RPTOR: variants seen among roughly 807,000 people sequenced by gnomAD.
RPTOR encodes regulatory-associated protein of mTOR.
Under a neutral mutation model 169.9 loss-of-function variants are expected in RPTOR, and 21 were observed. The ratio of observed to expected loss-of-function variants is 0.12; its 90% CI spans 0.09 to 0.18. The LOEUF is 0.18. RPTOR is among the 10% of genes least tolerant of loss of function. The probability of loss-of-function intolerance (pLI) is 1.00; values close to 1 mark genes in which losing one functional copy is unlikely to be tolerated. For missense variants in RPTOR, 1,133 were observed against 1,855.9 expected (o/e 0.61, Z 7.16); for synonymous variants, 732 against 753.2 (o/e 0.97, Z 0.46).
In RPTOR at chr17:80,960,632, C is replaced by T; in HGVS notation, c.3605+427C>T. On this transcript the variant is annotated intron_variant, in intron 30 of 33. Transcript: ENST00000306801. This position sits in a 1 kb window ranked among gnomAD's most constrained non-coding sequence, Gnocchi z 4.8. ...GGATGTCTGAGGGCACACACGTGGG[C>T]ACAGCAGCCCTGGGCACTGCCTCCA... 4.3e-6 allele frequency: 1 copy of T among 229,912 alleles called. No homozygotes were observed. Among genetic ancestry groups the T allele is most frequent in the South Asian group, 6.7e-5 (1 of 14,976 alleles). The allele number at this position is 229,912 out of a possible 1,614,324, so 14.2% of individuals were successfully genotyped here.
At chr17:80,946,830 A>T (rs2069109762) in intron 26 of RPTOR, among the ~76,000 whole-genome samples, 1 of 152,182 alleles carries the variant, frequency 6.6e-6, no homozygotes, top group African/African-American at 2.4e-5. Context: ...TTTTGGGGAT[A>T]CGCCCAGAGT....
At chr17:80,767,260 A>G (rs2066797242) in intron 6 of RPTOR, among the ~76,000 whole-genome samples, 1 of 152,166 alleles carries the variant, frequency 6.6e-6, no homozygotes, top group Non-Finnish European at 1.5e-5. Context: ...AGTCCCAGCT[A>G]CTTGGGAGGC....
intron 7 of RPTOR, among the ~76,000 whole-genome samples, chr17:80,807,349 C>G (rs547269365): frequency 7.9e-5 from 12 of 151,532 alleles, no homozygotes; most frequent in Non-Finnish European, 1.5e-4. Context: ...CCCCACCACC[C>G]TTTTTTTTGG....
At chr17:80,768,108 C>T (rs532518536) in intron 6 of RPTOR, among the ~76,000 whole-genome samples, 2 of 152,124 alleles carry the variant, frequency 1.3e-5, no homozygotes, top group Non-Finnish European at 2.9e-5. Context: ...GTGATCCGCC[C>T]GCCTCGGCCT....
chr17:80,902,971 C>T (rs2068495186), intron 20 of RPTOR, among the ~76,000 whole-genome samples: 2 of 152,264 alleles, frequency 1.3e-5, no homozygotes, highest in Admixed American at 1.3e-4. Context: ...GAAACAGCCT[C>T]ATCCCGAGAG....
chr17:80,611,163 C>CT (rs1160644540), intron 1 of RPTOR, among the ~76,000 whole-genome samples: 1 of 152,194 alleles, frequency 6.6e-6, no homozygotes. Context: ...ACACTCACCA[C>CT]TTTGACACAA....
intron 2 of RPTOR, among the ~76,000 whole-genome samples, chr17:80,634,569 T>C (rs1193428557): frequency 8.5e-6 from 1 of 117,328 alleles, no homozygotes; most frequent in African/African-American, 3.4e-5. Flanking sequence ...TGTGTGTGCA[T>C]ACTGTGTGTG....
chr17:80,731,044 A>C (rs549127263), intron 5 of RPTOR, among the ~76,000 whole-genome samples: 155 of 152,098 alleles, frequency 1.0e-3, no homozygotes, highest in Non-Finnish European at 2.0e-3. Flanking sequence ...ATGCCTAGCT[A>C]ATTTTTGTAG....
At position 80,830,718 on chromosome 17, in the gene RPTOR, A is replaced by G. The variant is rs180784286; in HGVS notation, c.1137-7204A>G. On this transcript the variant is annotated intron_variant, in intron 9 of 33. Transcript: ENST00000306801. ...AGGTGCACTGCTCCTCAGGAATGGC[A>G]GAGGCTTCCCATGATGGGGAGCATC... Among the ~76,000 whole-genome samples, 28 of 150,834 alleles carry G rather than the reference A, an allele frequency of 1.9e-4. No individual in the cohort carries two copies. The East Asian group carries it at 4.7e-3, about 25-fold the overall frequency.
intron 13 of RPTOR, among the ~76,000 whole-genome samples, chr17:80,871,986 G>A (rs1318895752): frequency 2.6e-5 from 4 of 152,094 alleles, no homozygotes; most frequent in Admixed American, 6.6e-5. Flanking sequence ...TCCCAGGAAC[G>A]GCAAAAATGT....
chr17:80,658,754 T>C (rs984305400), intron 3 of RPTOR, among the ~76,000 whole-genome samples: 1 of 152,256 alleles, frequency 6.6e-6, no homozygotes, highest in African/African-American at 2.4e-5. Flanking sequence ...ACTGATCCTC[T>C]CCTTTGCTGT....
In RPTOR at chr17:80,965,899, AAGC is replaced by A. The variant is rs1336501708; in HGVS notation, c.*1573_*1575del. Reference sequence around the variant, plus strand: ...TCCCATCCCCACGTCTGGGCCGAGAAAGCAGCCCGGGTCCGGAAGGTGTAGAGA... The same window carrying A: ...TCCCATCCCCACGTCTGGGCCGAGAAAGCCCGGGTCCGGAAGGTGTAGAGA... On this transcript the variant is annotated 3_prime_UTR_variant, in exon 34 of 34. Coordinates refer to ENST00000306801, the MANE Select transcript of RPTOR (RefSeq NM_020761.3). The A allele has an allele frequency of 3.0e-5, 7 of 233,224 alleles. No individual in the cohort carries two copies. The highest frequency in any genetic ancestry group is 5.6e-5 in the Admixed American group (1 of 17,786). The allele number at this position is 233,224 out of a possible 1,614,324, so 14.4% of individuals were successfully genotyped here. A position where few individuals can be genotyped will look rare whatever the true frequency, so the allele number is the denominator to read the frequency against.
At chr17:80,667,156 G>T (rs1396320006) in intron 3 of RPTOR, among the ~76,000 whole-genome samples, 1 of 152,172 alleles carries the variant, frequency 6.6e-6, no homozygotes, top group African/African-American at 2.4e-5. Flanking sequence ...GGTGCATGTT[G>T]ATCTTTCCAG....
chr17:80,586,066 C>G (rs553395015), intron 1 of RPTOR, among the ~76,000 whole-genome samples: 2 of 152,080 alleles, frequency 1.3e-5, no homozygotes, highest in Admixed American at 1.3e-4. Flanking sequence ...GGGAGGCGCT[C>G]TGCAGCCAGG....
At chr17:80,748,231 T>C (rs1177599660) in intron 5 of RPTOR, among the ~76,000 whole-genome samples, 1 of 63,060 alleles carries the variant, frequency 1.6e-5, no homozygotes, top group East Asian at 4.9e-4. Context: ...GTTGGGTGGA[T>C]GGAGGGGCTG....
Position 80,891,857 on chromosome 17 carries a change from G to C in RPTOR, c.2101+20G>C. 2 of 1,549,532 alleles carry C rather than the reference G, an allele frequency of 1.3e-6. No homozygotes were observed. Among genetic ancestry groups the C allele is most frequent in the Non-Finnish European group, 1.8e-6 (2 of 1,123,082 alleles). On this transcript the variant is annotated intron_variant, in intron 18 of 33. Transcript: ENST00000306801. ...CCACAGGTATGGCGTCTTCTCCTGT[G>C]AACCCGCAGAGCACCTCGCCTGGCG... is the stretch of plus-strand genomic sequence containing the variant.
intron 10 of RPTOR, among the ~76,000 whole-genome samples, chr17:80,841,440 C>G (rs569801450): frequency 1.5e-5 from 2 of 134,692 alleles, no homozygotes; most frequent in Non-Finnish European, 3.2e-5. Flanking sequence ...TCACACTCAC[C>G]ACACGGCAGC....
chr17:80,785,716 C>G (rs2066984494), intron 6 of RPTOR, among the ~76,000 whole-genome samples: 1 of 152,070 alleles, frequency 6.6e-6, no homozygotes, highest in African/African-American at 2.4e-5. Context: ...TTGGGTATGA[C>G]AAGAATGACC....
rs140706381 is a variant in RPTOR, at chr17:80,755,809, G to C, written c.830+1624G>C. On this transcript the variant is annotated intron_variant, in intron 6 of 33. Coordinates refer to ENST00000306801, the MANE Select transcript of RPTOR (RefSeq NM_020761.3). ...CTGTCTGGAGGGGGCAGCAGAGAGGGATCTGCAGTGTTTCTGCTGTCCAGC... is the reference window on the plus strand; with the variant it reads ...CTGTCTGGAGGGGGCAGCAGAGAGGCATCTGCAGTGTTTCTGCTGTCCAGC... 2.2e-4 allele frequency among the ~76,000 whole-genome samples: 33 copies of C among 151,892 alleles called. No individual in the cohort carries two copies. In the East Asian group the frequency reaches 6.0e-3, roughly 28 times the overall value.
Sources: gnomAD v4.1 joint callset for allele counts (sites outside exome capture counted in the v4.1 genomes callset) on GRCh38, gnomAD v4.1.1 for gene constraint, Gnocchi (gnomAD v3.1) non-coding constraint, MANE v1.5 for transcripts, NCBI Gene and HGNC (gene_info 2026-07-23, HGNC 2026-07-21) for gene names.